Variants in REEP2 observed in about 807,000 individuals in gnomAD.
REEP2 encodes receptor accessory protein 2.
A neutral mutation model predicts 32.1 loss-of-function variants in REEP2; 9 were observed. The observed-to-expected ratio is 0.28, with a 90% CI of 0.17 to 0.49. The LOEUF (loss-of-function observed/expected upper bound fraction) is 0.49. Among genes scored for constraint, REEP2 ranks in the 20% least tolerant of loss-of-function variants. The pLI, the probability that REEP2 is intolerant of heterozygous loss-of-function variation, is 0.99. For synonymous variants in REEP2, 128 were observed against 139.1 expected (o/e 0.92, Z 0.56); for missense variants, 236 against 338.0 (o/e 0.70, Z 2.37).
At chr5:138,445,445 C>T (rs1459188898) in intron 6 of REEP2, 23 bp from the exon 7 acceptor site, 1 of 1,614,004 alleles carries the variant, frequency 6.2e-7, no homozygotes, top group Non-Finnish European at 8.5e-7. Context: ...GATTCCCCCA[C>T]CTCCTTTTCT....
At position 138,443,945 on chromosome 5, in the gene REEP2, A is replaced by T. The variant is rs185710629; in HGVS notation, c.183-470A>T. ...GAGGAGAAGGCACTATGGGGACTGAAGGGCAATCCTGGAGAAGTGAGGGTC... is the reference window on the plus strand; with the variant it reads ...GAGGAGAAGGCACTATGGGGACTGATGGGCAATCCTGGAGAAGTGAGGGTC... On this transcript the variant is annotated intron_variant, in intron 3 of 7. Transcript: ENST00000378339. 21 of 154,588 alleles carry T rather than the reference A, an allele frequency of 1.4e-4. No homozygotes were observed. In the East Asian group the frequency reaches 3.3e-3, roughly 24 times the overall value. 9.6% of individuals were successfully genotyped at this position (154,588 alleles called of 1,614,324 possible).
Position 138,445,468 on chromosome 5 carries a change from G to A in REEP2, c.566G>A (p.Gly189Glu). The change falls in exon 7 of 8, where the codon GGA (glycine) becomes GAA (glutamate). Residue 189 changes from glycine to glutamate, a missense_variant and splice_region_variant. Transcript: ENST00000378339. The stretch of plus-strand genomic sequence containing the variant: ...CACCTCCTTTTCTCCCTGCACCCAG[G>A]AGATGACCCTGCCCTGAGTCTAAGG... ...GSLLDTIEDL[G>E]DDPALSLRSS... The A allele has an allele frequency of 6.2e-7, 1 of 1,614,172 alleles. No individual in the cohort carries two copies. The highest frequency in any genetic ancestry group is 1.3e-5 in the African/African-American group (1 of 75,064).
intron 5 of REEP2, 91 bp downstream of exon 5, chr5:138,444,958 C>A: frequency 1.1e-6 from 1 of 938,186 alleles, no homozygotes; most frequent in Non-Finnish European, 1.6e-6. Context: ...GTACTCGGGG[C>A]TGTAGAGACT....
rs1763826025 is a variant in REEP2 at position 138,441,492 on chromosome 5, G to A, written c.182+31G>A. ...GTCCAGCGTCCCCTCCTGTATCTCA[G>A]GGCCCAGGGCCTCTGCCTTTCTCTA... On this transcript the variant is annotated intron_variant, in intron 3 of 7. Transcript: ENST00000378339. The surrounding 1 kb of genome is among the most constrained non-coding windows in gnomAD (Gnocchi z 4.4). 1.9e-6 allele frequency: 3 copies of A among 1,583,302 alleles called. No individual in the cohort carries two copies. Among genetic ancestry groups the A allele is most frequent in the Middle Eastern group, 3.3e-4 (2 of 6,018 alleles).
At position 138,441,270 on chromosome 5, in the gene REEP2, TG is replaced by T; in HGVS notation, c.106-111del. 1 of 1,268,188 alleles carries T rather than the reference TG, an allele frequency of 7.9e-7. No individual in the cohort carries two copies. The highest frequency in any genetic ancestry group is 1.1e-6 in the Non-Finnish European group (1 of 871,544). 78.6% of individuals were successfully genotyped at this position (1,268,188 alleles called of 1,614,324 possible). On this transcript the variant is annotated intron_variant, in intron 2 of 7. Coordinates refer to ENST00000378339, the MANE Select transcript of REEP2 (RefSeq NM_001271803.2). The surrounding 1 kb of genome is among the most constrained non-coding windows in gnomAD (Gnocchi z 4.4). ...CTCCAACATGGCTGGCAGGCAGAAG[TG>T]GGGTCCTTGGTGTTCTCCCCAGCCC...
At position 138,440,997 on chromosome 5, in the gene REEP2, A is replaced by G. The variant is rs377532427; in HGVS notation, c.33-19A>G. The G allele has an allele frequency of 1.2e-6, 2 of 1,611,050 alleles. No homozygotes were observed. Among genetic ancestry groups the G allele is most frequent in the Non-Finnish European group, 1.7e-6 (2 of 1,179,932 alleles). On this transcript the variant is annotated intron_variant, in intron 1 of 7. Coordinates refer to ENST00000378339, the MANE Select transcript of REEP2 (RefSeq NM_001271803.2). ...CTGCCCTTGGCTGAGAGGCCCAGTA[A>G]CCATGCCTGCCTCCCTAGGCTCATC...
intron 7 of REEP2, 41 bp from the exon 8 acceptor site, chr5:138,445,642 C>T (rs757801549): frequency 3.1e-5 from 50 of 1,614,006 alleles, no homozygotes; most frequent in East Asian, 8.9e-5. Flanking sequence ...CAGGGGGTGG[C>T]GGCTCCAGGC....
intron 3 of REEP2, among the ~76,000 whole-genome samples, chr5:138,443,429 C>T (rs1164808912): frequency 3.0e-5 from 4 of 133,810 alleles, no homozygotes; most frequent in Non-Finnish European, 4.6e-5. Flanking sequence ...CATTGCACTC[C>T]GGCCTGGGCA....
At chr5:138,444,026 G>A (rs765472716) in intron 3 of REEP2, among the ~76,000 whole-genome samples, 12 of 152,046 alleles carry the variant, frequency 7.9e-5, no homozygotes, top group Admixed American at 3.9e-4. Flanking sequence ...CAGGCCTCTC[G>A]ATGATAGGGA....
At chr5:138,439,767 C>A (rs1405390660) in intron 1 of REEP2, 4 of 455,900 alleles carry the variant, frequency 8.8e-6, no homozygotes, top group Admixed American at 7.1e-5. Flanking sequence ...CCCTTAGGCC[C>A]CCTAGGGAGG....
rs534422499 is a variant in REEP2 at position 138,445,934 on chromosome 5, G to T, written c.*183G>T. On this transcript the variant is annotated 3_prime_UTR_variant, in exon 8 of 8. Transcript: ENST00000378339. ...GAAGGGGCTTGGAAAAGAGGAAGGA[G>T]GCCCAGCTGTGGGGGTTGAGGGTAG... is the stretch of plus-strand genomic sequence containing the variant. The T allele has an allele frequency of 2.2e-4, 142 of 642,712 alleles. 1 individual carries two copies. The African/African-American group carries it at 2.4e-3, about 11-fold the overall frequency. The allele number at this position is 642,712 out of a possible 1,614,324, so 39.8% of individuals were successfully genotyped here.
intron 3 of REEP2, among the ~76,000 whole-genome samples, chr5:138,443,206 T>G (rs1350944401): frequency 2.0e-5 from 3 of 151,862 alleles, no homozygotes; most frequent in Non-Finnish European, 4.4e-5. Context: ...ATGCCCATAA[T>G]CACAGCACTT....
chr5:138,445,931 G>T lies in REEP2; in HGVS notation c.*180G>T. ...CTGGAAGGGGCTTGGAAAAGAGGAA[G>T]GAGGCCCAGCTGTGGGGGTTGAGGG... On this transcript the variant is annotated 3_prime_UTR_variant, in exon 8 of 8. Coordinates refer to ENST00000378339, the MANE Select transcript of REEP2 (RefSeq NM_001271803.2). The T allele has an allele frequency of 1.5e-6, 1 of 648,414 alleles. No individual in the cohort carries two copies. Among genetic ancestry groups the T allele is most frequent in the Non-Finnish European group, 2.7e-6 (1 of 375,680 alleles). The allele number at this position is 648,414 out of a possible 1,614,324, so 40.2% of individuals were successfully genotyped here.
chr5:138,445,176 C>G lies in REEP2; in HGVS notation c.418-52C>G, dbSNP rs1763902507. On this transcript the variant is annotated intron_variant, in intron 5 of 7. Coordinates refer to ENST00000378339, the MANE Select transcript of REEP2 (RefSeq NM_001271803.2). ...CTGCCAGCACCATGGTGACCTCTATCTCCACCCCGCCCCTTCCCCCCGGCT... is the reference window on the plus strand; with the variant it reads ...CTGCCAGCACCATGGTGACCTCTATGTCCACCCCGCCCCTTCCCCCCGGCT... 4 of 1,533,260 alleles carry G rather than the reference C, an allele frequency of 2.6e-6. No individual in the cohort carries two copies. In the East Asian group the frequency reaches 9.0e-5, roughly 35 times the overall value. 95.0% of individuals were successfully genotyped at this position (1,533,260 alleles called of 1,614,324 possible).
chr5:138,441,579 C>A lies in REEP2; in HGVS notation c.182+118C>A. On this transcript the variant is annotated intron_variant, in intron 3 of 7. Coordinates refer to ENST00000378339, the MANE Select transcript of REEP2 (RefSeq NM_001271803.2). This position sits in a 1 kb window ranked among gnomAD's most constrained non-coding sequence, Gnocchi z 4.4. ...AAGCTCCTCCCATTCCTGACAATTTCATGGGGTCCTTGATATCTCCCCTCT... is the reference window on the plus strand; with the variant it reads ...AAGCTCCTCCCATTCCTGACAATTTAATGGGGTCCTTGATATCTCCCCTCT... 1.2e-6 allele frequency: 1 copy of A among 849,198 alleles called. No individual in the cohort carries two copies. Among genetic ancestry groups the A allele is most frequent in the Non-Finnish European group, 2.0e-6 (1 of 512,204 alleles). 52.6% of individuals were successfully genotyped at this position (849,198 alleles called of 1,614,324 possible).
At chr5:138,445,197 C>A in intron 5 of REEP2, 31 bp from the exon 6 acceptor site, 1 of 1,552,430 alleles carries the variant, frequency 6.4e-7, no homozygotes, top group Non-Finnish European at 8.7e-7. Context: ...CCCTTCCCCC[C>A]GGCTCTCCCG....
At chr5:138,440,916 GTC>G (rs1407602369) in intron 1 of REEP2, 98 bp from the exon 2 acceptor site, 2 of 1,588,988 alleles carry the variant, frequency 1.3e-6, no homozygotes, top group Non-Finnish European at 1.7e-6. Flanking sequence ...GGGGAGTTCT[GTC>G]TCTCTTCCCA....
chr5:138,441,306 C>A lies in REEP2; in HGVS notation c.106-79C>A. 1.4e-6 allele frequency: 2 copies of A among 1,399,140 alleles called. No homozygotes were observed. Among genetic ancestry groups the A allele is most frequent in the Non-Finnish European group, 2.0e-6 (2 of 984,626 alleles). 86.7% of individuals were successfully genotyped at this position (1,399,140 alleles called of 1,614,324 possible). ...GTGTTCTCCCCAGCCCAGGCATGTT[C>A]AACAGGCAGAGCTGGGGTCCTGGGT... On this transcript the variant is annotated intron_variant, in intron 2 of 7. Coordinates refer to ENST00000378339, the MANE Select transcript of REEP2 (RefSeq NM_001271803.2). The surrounding 1 kb of genome is among the most constrained non-coding windows in gnomAD (Gnocchi z 4.4).
chr5:138,444,194 A>G (rs1580978777), intron 3 of REEP2: 1 of 489,608 alleles, frequency 2.0e-6, no homozygotes, highest in Non-Finnish European at 3.6e-6. Context: ...CTGCTGGGGG[A>G]AATTCCTTCT....
Sources: allele counts gnomAD v4.1 joint callset (sites outside exome capture counted in the v4.1 genomes callset), GRCh38; gene constraint gnomAD v4.1.1; non-coding constraint Gnocchi (gnomAD v3.1); transcripts MANE v1.5; gene names NCBI Gene and HGNC (gene_info 2026-07-23, HGNC 2026-07-21).